LRRC69: variants seen among roughly 807,000 people sequenced by gnomAD.
LRRC69 encodes the protein leucine rich repeat containing 69.
A neutral mutation model predicts 37.8 loss-of-function variants in LRRC69; 42 were observed. That is an observed-to-expected ratio of 1.11 (90% CI 0.87 to 1.44). The LOEUF is 1.44. Among genes scored for constraint, LRRC69 ranks in the 40% most tolerant of loss-of-function variants. The probability of loss-of-function intolerance (pLI) is 0.00; values close to 1 mark genes in which losing one functional copy is unlikely to be tolerated. For synonymous variants in LRRC69, 141 were observed against 143.1 expected, an observed-to-expected ratio of 0.99 and a Z score of 0.11; for missense variants, 357 against 401.9, an observed-to-expected ratio of 0.89 and a Z score of 0.96.
At chr8:91,186,797 G>A (rs1271861771) in intron 5 of LRRC69, among the ~76,000 whole-genome samples, 5 of 152,146 alleles carry the variant, frequency 3.3e-5, no homozygotes, top group African/African-American at 4.8e-5. Context: ...GGAGAAGATT[G>A]TGTGGGGGTG....
At chr8:91,137,363 A>G (rs1436990952) in intron 5 of LRRC69, among the ~76,000 whole-genome samples, 4 of 152,146 alleles carry the variant, frequency 2.6e-5, no homozygotes, top group Middle Eastern at 6.8e-3. Flanking sequence ...CTTGAGCAAC[A>G]TAATGGAGTA....
At chr8:91,140,156 T>C (rs576130824) in intron 5 of LRRC69, among the ~76,000 whole-genome samples, 13 of 149,668 alleles carry the variant, frequency 8.7e-5, no homozygotes, top group South Asian at 2.1e-4. Flanking sequence ...AATGTATCAA[T>C]AGCAGAAAGA....
intron 1 of LRRC69, chr8:91,118,402 G>A (rs1308444043): frequency 1.8e-5 from 6 of 324,774 alleles, no homozygotes; most frequent in East Asian, 8.7e-5. Flanking sequence ...AAAGCCAGGC[G>A]TGGTGGCACA....
chr8:91,122,323 C>G (rs1484802358), intron 1 of LRRC69, among the ~76,000 whole-genome samples: 2 of 151,888 alleles, frequency 1.3e-5, no homozygotes, highest in African/African-American at 4.8e-5. Flanking sequence ...ACATAGCAGA[C>G]AAGCTTGGAA....
chr8:91,197,257 G>T (rs1237636623), intron 6 of LRRC69, among the ~76,000 whole-genome samples: 1 of 152,158 alleles, frequency 6.6e-6, no homozygotes, highest in African/African-American at 2.4e-5. Flanking sequence ...CTGTCAGACA[G>T]GGACATTTAA....
intron 5 of LRRC69, among the ~76,000 whole-genome samples, chr8:91,141,000 T>C (rs1188579397): frequency 1.3e-5 from 2 of 152,082 alleles, no homozygotes; most frequent in African/African-American, 2.4e-5. Flanking sequence ...CTTTTCTTTA[T>C]CGTGTGTTCA....
At chr8:91,214,806 ATTT>A (rs766125366) in intron 7 of LRRC69, among the ~76,000 whole-genome samples, 4 of 144,774 alleles carry the variant, frequency 2.8e-5, no homozygotes, top group Admixed American at 7.0e-5. Flanking sequence ...CTTGACAGAA[ATTT>A]TTTTTTTTTT....
chr8:91,124,794 A>G (rs1813691036), intron 2 of LRRC69, 175 bp downstream of exon 2: 1 of 506,436 alleles, frequency 2.0e-6, no homozygotes, highest in East Asian at 3.8e-5. Context: ...GTATTGTATC[A>G]TATGTTTATT....
At chr8:91,102,881 GAAGATGGAAAACAGGAAGAGAGAAAA>G in intron 1 of LRRC69, 37 bp downstream of exon 1, 1 of 1,503,978 alleles carries the variant, frequency 6.6e-7, no homozygotes, top group Non-Finnish European at 8.9e-7. Flanking sequence ...GTTTGGTATT[GAAGATGGAAAACAGGAAGAGAGAAAA>G]AAGGGGTAAG....
intron 7 of LRRC69, among the ~76,000 whole-genome samples, chr8:91,202,660 G>A (rs72666051): frequency 0.044 from 6,663 of 152,266 alleles, 205 homozygotes; most frequent in Non-Finnish European, 0.071. Context: ...TGATTAGAAA[G>A]TATTAATTGA....
chr8:91,189,384 A>G (rs1334984186), intron 5 of LRRC69, 138 bp from the exon 6 acceptor site: 2 of 610,136 alleles, frequency 3.3e-6, no homozygotes, highest in African/African-American at 3.7e-5. Flanking sequence ...TTTATTTAGG[A>G]CTTAAATCCA....
chr8:91,122,828 A>G (rs1008506353), intron 1 of LRRC69, among the ~76,000 whole-genome samples: 1 of 152,050 alleles, frequency 6.6e-6, no homozygotes, highest in Non-Finnish European at 1.5e-5. Flanking sequence ...ATGGACCCCC[A>G]AAGATGCCCA....
intron 7 of LRRC69, among the ~76,000 whole-genome samples, chr8:91,206,395 A>G (rs141285741): frequency 6.6e-6 from 1 of 152,358 alleles, no homozygotes; most frequent in East Asian, 1.9e-4. Flanking sequence ...ATCGGTGGGA[A>G]AATGAGGATA....
rs189732047 is a variant in LRRC69 at position 91,176,375 on chromosome 8, G to A, written c.652-13147G>A. On this transcript the variant is annotated intron_variant, in intron 5 of 7. Coordinates refer to ENST00000448384, the Ensembl canonical transcript of LRRC69. ...TTGGCCAGGATGTTCTCAATCTCCTGACCTTGTGATCTGCCTGCCTAGGCC... is the reference window on the plus strand; with the variant it reads ...TTGGCCAGGATGTTCTCAATCTCCTAACCTTGTGATCTGCCTGCCTAGGCC... Among the ~76,000 whole-genome samples, 47 of 151,904 alleles carry A rather than the reference G, an allele frequency of 3.1e-4. No homozygotes were observed. In the East Asian group the frequency reaches 4.5e-3, roughly 14 times the overall value.
intron 1 of LRRC69, among the ~76,000 whole-genome samples, chr8:91,119,448 T>G (rs1813577590): frequency 6.6e-6 from 1 of 152,084 alleles, no homozygotes; most frequent in African/African-American, 2.4e-5. Context: ...CCTTTACAAG[T>G]TGAGGTTTTT....
chr8:91,124,640 C>G, intron 2 of LRRC69, 21 bp downstream of exon 2: 1 of 1,510,686 alleles, frequency 6.6e-7, no homozygotes, highest in African/African-American at 1.4e-5. Context: ...CAACAAGGAA[C>G]AACATTATAG....
chr8:91,159,309 T>G (rs1808893180), intron 5 of LRRC69, among the ~76,000 whole-genome samples: 2 of 151,316 alleles, frequency 1.3e-5, no homozygotes, highest in Admixed American at 1.3e-4. Flanking sequence ...AAAGCAGAGT[T>G]GAGATACAAT....
At chr8:91,215,600 T>C (rs1233001495) in intron 7 of LRRC69, among the ~76,000 whole-genome samples, 3 of 152,198 alleles carry the variant, frequency 2.0e-5, no homozygotes, top group Non-Finnish European at 4.4e-5. Flanking sequence ...AACTGTATTA[T>C]AGCATTTTAC....
intron 5 of LRRC69, among the ~76,000 whole-genome samples, chr8:91,155,311 A>C (rs556400736): frequency 2.6e-5 from 4 of 151,104 alleles, no homozygotes. Flanking sequence ...AAAACTTTCT[A>C]TTACATACCT....
Sources: gnomAD v4.1 joint callset for allele counts (sites outside exome capture counted in the v4.1 genomes callset) on GRCh38, gnomAD v4.1.1 for gene constraint, MANE v1.5 for transcripts, NCBI Gene and HGNC (gene_info 2026-07-23, HGNC 2026-07-21) for gene names.